ST3GAL3: variants seen among roughly 807,000 people sequenced by gnomAD.
ST3GAL3 encodes ST3 beta-galactoside alpha-2,3-sialyltransferase 3.
In ST3GAL3, 21 loss-of-function variants were observed where a neutral mutation model predicts 50.1. That is an observed-to-expected ratio of 0.42 (90% CI 0.30 to 0.60). The LOEUF (loss-of-function observed/expected upper bound fraction) is 0.60, where lower values mean the gene tolerates loss of function less well. Ranked by LOEUF, ST3GAL3 falls within the 20% of genes least tolerant of loss-of-function variation. The probability of loss-of-function intolerance (pLI) is 0.19; values close to 1 mark genes in which losing one functional copy is unlikely to be tolerated. For missense variants in ST3GAL3, 353 were observed against 489.4 expected, an observed-to-expected ratio of 0.72 and a Z score of 2.63; for synonymous variants, 183 against 190.0, an observed-to-expected ratio of 0.96 and a Z score of 0.30.
intron 3 of ST3GAL3, among the ~76,000 whole-genome samples, chr1:43,805,770 C>A (rs1251548133): frequency 1.3e-5 from 2 of 152,180 alleles, no homozygotes; most frequent in Non-Finnish European, 2.9e-5. Context: ...GAGTCTCACA[C>A]TGTCACCGAG....
At chr1:43,828,064 T>G (rs1375403476) in intron 4 of ST3GAL3, among the ~76,000 whole-genome samples, 1 of 152,046 alleles carries the variant, frequency 6.6e-6, no homozygotes, top group Non-Finnish European at 1.5e-5. Flanking sequence ...GACAAATAGA[T>G]CAATAGAATA....
chr1:43,826,179 G>A (rs1467857493), intron 4 of ST3GAL3, among the ~76,000 whole-genome samples: 1 of 151,998 alleles, frequency 6.6e-6, no homozygotes, highest in African/African-American at 2.4e-5. Flanking sequence ...GATCACTTGA[G>A]CCCGAGAGGT....
intron 1 of ST3GAL3, among the ~76,000 whole-genome samples, chr1:43,709,050 C>G (rs557689976): frequency 6.6e-6 from 1 of 152,192 alleles, no homozygotes; most frequent in African/African-American, 2.4e-5. Flanking sequence ...AAGGAGAAAT[C>G]CATGTGTTTG....
intron 5 of ST3GAL3, among the ~76,000 whole-genome samples, chr1:43,871,227 C>T (rs1317212657): frequency 6.6e-6 from 1 of 152,186 alleles, no homozygotes; most frequent in African/African-American, 2.4e-5. Context: ...ACTCCAGCCT[C>T]TTTGGAATGA....
At position 43,782,399 on chromosome 1, in the gene ST3GAL3, C is replaced by T. The variant is rs150181835; in HGVS notation, c.119-9703C>T. ...CCTTACGCTCTGTCTTACACACTGCCGCTAGAATGGTTTTCCTGAAGCAAA... is the reference window on the plus strand; with the variant it reads ...CCTTACGCTCTGTCTTACACACTGCTGCTAGAATGGTTTTCCTGAAGCAAA... On this transcript the variant is annotated intron_variant, in intron 2 of 11. Transcript: ENST00000347631. Among the ~76,000 whole-genome samples, 151 of 152,260 alleles carry T rather than the reference C, an allele frequency of 9.9e-4. 1 individual carries two copies. The highest frequency in any genetic ancestry group is 2.9e-4 in the Non-Finnish European group (20 of 68,030).
intron 5 of ST3GAL3, among the ~76,000 whole-genome samples, chr1:43,845,097 C>A (rs2066017836): frequency 6.6e-6 from 1 of 152,066 alleles, no homozygotes; most frequent in East Asian, 1.9e-4. Context: ...AATTCTTGTG[C>A]CTCAGCCTCC....
chr1:43,860,728 C>T (rs2069696885), intron 5 of ST3GAL3, among the ~76,000 whole-genome samples: 2 of 152,224 alleles, frequency 1.3e-5, no homozygotes, highest in South Asian at 2.1e-4. Flanking sequence ...TTTCCCTAAC[C>T]CCTGGAGTGC....
At chr1:43,882,395 C>G (rs1003107480) in intron 5 of ST3GAL3, among the ~76,000 whole-genome samples, 6 of 152,178 alleles carry the variant, frequency 3.9e-5, no homozygotes, top group Non-Finnish European at 5.9e-5. Context: ...CCTTGTAAAT[C>G]AGACTGAAGA....
At chr1:43,866,845 A>G (rs1442077720) in intron 5 of ST3GAL3, among the ~76,000 whole-genome samples, 1 of 152,084 alleles carries the variant, frequency 6.6e-6, no homozygotes, top group Non-Finnish European at 1.5e-5. Context: ...AGATATGGGA[A>G]ATTAGGCCAG....
intron 1 of ST3GAL3, among the ~76,000 whole-genome samples, chr1:43,726,057 G>C (rs1363574063): frequency 6.6e-6 from 1 of 151,984 alleles, no homozygotes; most frequent in Non-Finnish European, 1.5e-5. Context: ...CTCTCATTTA[G>C]ATGTTTATTT....
At chr1:43,856,375 C>G (rs1330335031) in intron 5 of ST3GAL3, among the ~76,000 whole-genome samples, 1 of 152,158 alleles carries the variant, frequency 6.6e-6, no homozygotes, top group African/African-American at 2.4e-5. Context: ...GGTAAGCTAA[C>G]GACTTGCTCA....
At chr1:43,777,158 A>G (rs530977750) in intron 2 of ST3GAL3, among the ~76,000 whole-genome samples, 1 of 152,320 alleles carries the variant, frequency 6.6e-6, no homozygotes, top group East Asian at 1.9e-4. Flanking sequence ...CATTTTACCC[A>G]TGAATACTTA....
At chr1:43,898,129 T>C in intron 6 of ST3GAL3, 106 bp from the exon 7 acceptor site, 1 of 1,242,044 alleles carries the variant, frequency 8.1e-7, no homozygotes, top group Non-Finnish European at 1.2e-6. Flanking sequence ...CACTTCCACT[T>C]TCACTCTAGC....
chr1:43,895,577 A>G (rs2077277640), intron 6 of ST3GAL3, among the ~76,000 whole-genome samples: 1 of 152,206 alleles, frequency 6.6e-6, no homozygotes, highest in South Asian at 2.1e-4. Context: ...TCAGAATTAC[A>G]TAAAATAACT....
chr1:43,811,367 A>G (rs1198662151), intron 3 of ST3GAL3, among the ~76,000 whole-genome samples: 4 of 152,204 alleles, frequency 2.6e-5, no homozygotes, highest in African/African-American at 9.6e-5. Flanking sequence ...GGACCTGACA[A>G]ATAGTTAAAG....
chr1:43,778,176 A>T (rs1021042517), intron 2 of ST3GAL3, among the ~76,000 whole-genome samples: 6 of 152,210 alleles, frequency 3.9e-5, no homozygotes, highest in Admixed American at 3.3e-4. Context: ...CTGATACAGG[A>T]ACAGAAAACC....
At chr1:43,920,014 G>A in intron 9 of ST3GAL3, 1 of 356,584 alleles carries the variant, frequency 2.8e-6, no homozygotes, top group Non-Finnish European at 5.4e-6. Context: ...CAGGAGAGAG[G>A]GCAGGCACCT....
At chr1:43,900,669 A>C (rs783302) in intron 9 of ST3GAL3, 1 of 152,132 alleles carries the variant, frequency 6.6e-6, no homozygotes, top group Non-Finnish European at 1.5e-5. Context: ...TGTTCTTTCC[A>C]GAGGTTTAGA....
At chr1:43,735,909 A>G (rs966681299) in intron 1 of ST3GAL3, among the ~76,000 whole-genome samples, 5 of 152,206 alleles carry the variant, frequency 3.3e-5, no homozygotes, top group Non-Finnish European at 7.3e-5. Flanking sequence ...TGCTGTGATA[A>G]CACAATCTAG....
Sources: gnomAD v4.1 joint callset for allele counts (sites outside exome capture counted in the v4.1 genomes callset) on GRCh38, gnomAD v4.1.1 for gene constraint, MANE v1.5 for transcripts, NCBI Gene and HGNC (gene_info 2026-07-23, HGNC 2026-07-21) for gene names.